NAPRT: variants seen among roughly 807,000 people sequenced by gnomAD.
NAPRT encodes FHA-HIT-interacting protein.
A neutral mutation model predicts 60.7 loss-of-function variants in NAPRT; 66 were observed. The ratio of observed to expected loss-of-function variants is 1.09; its 90% CI spans 0.89 to 1.33. NAPRT has a LOEUF of 1.33. Among genes scored for constraint, NAPRT ranks in the 40% most tolerant of loss-of-function variants. NAPRT has a pLI of 0.00. For synonymous variants in NAPRT, 405 were observed against 335.7 expected (o/e 1.21, Z -2.26); for missense variants, 818 against 731.5 (o/e 1.12, Z -1.36).
intron 1 of NAPRT, 35 bp downstream of exon 1, chr8:143,578,058 G>A (rs1824632501): frequency 6.7e-7 from 1 of 1,497,194 alleles, no homozygotes; most frequent in Non-Finnish European, 8.9e-7. Flanking sequence ...GTTTCTGCCG[G>A]GCGTGGGGGG....
At chr8:143,575,376 C>A (rs769294649) in intron 10 of NAPRT, 31 bp from the exon 11 acceptor site, 3 of 1,598,674 alleles carry the variant, frequency 1.9e-6, no homozygotes, top group Non-Finnish European at 2.6e-6. Context: ...TAAGCGGGGG[C>A]CCTGGTGCTT....
In NAPRT at chr8:143,574,975, C is replaced by T. The variant is rs1438077344; in HGVS notation, c.1554+11G>A. On this transcript the variant is annotated intron_variant, in intron 12 of 12. Coordinates refer to ENST00000449291, the MANE Select transcript of NAPRT (RefSeq NM_145201.6). ...CACAGGGCAGAATGACAGGGTGGGC[C>T]TCCCCCCAACCTGGTACTGTGCAGG... 2 of 1,544,836 alleles carry T rather than the reference C, an allele frequency of 1.3e-6. No homozygotes were observed. Among genetic ancestry groups the T allele is most frequent in the East Asian group, 2.4e-5 (1 of 40,866 alleles).
At chr8:143,576,186 T>TG in intron 7 of NAPRT, 24 bp from the exon 8 acceptor site, 1 of 1,571,158 alleles carries the variant, frequency 6.4e-7, no homozygotes, top group Non-Finnish European at 8.7e-7. Flanking sequence ...GGAGAAAGGG[T>TG]GGGGGCCACC....
At chr8:143,575,890 G>A (rs927267278) in intron 8 of NAPRT, among the ~76,000 whole-genome samples, 188 bp from the exon 9 acceptor site, 5 of 138,704 alleles carry the variant, frequency 3.6e-5, no homozygotes, top group African/African-American at 1.4e-4. Context: ...TGAAGGGGGT[G>A]GCAGTGCCCT....
In NAPRT at chr8:143,578,325, C is replaced by T. The variant is rs1824676371; in HGVS notation, c.-7G>A. On this transcript the variant is annotated 5_prime_UTR_variant, in exon 1 of 13. Transcript: ENST00000449291. ...GGTCCTGCTCCGCCGCCATCCTGCT[C>T]CCGACGTCCGGACTCCGCCCCGCCC... 1 of 1,352,078 alleles carries T rather than the reference C, an allele frequency of 7.4e-7. No homozygotes were observed. The highest frequency in any genetic ancestry group is 9.4e-7 in the Non-Finnish European group (1 of 1,061,182). The allele number at this position is 1,352,078 out of a possible 1,614,324, so 83.8% of individuals were successfully genotyped here.
downstream of NAPRT, chr8:143,574,757 C>A: frequency 6.5e-7 from 1 of 1,528,208 alleles, no homozygotes; most frequent in South Asian, 1.2e-5. Flanking sequence ...GCTGGGTGAA[C>A]AAACGACACA....
At chr8:143,576,997 G>T (rs1235878815) in intron 5 of NAPRT, 65 bp downstream of exon 5, 3 of 1,561,940 alleles carry the variant, frequency 1.9e-6, no homozygotes, top group Middle Eastern at 1.7e-4. Flanking sequence ...CACACCTCTC[G>T]CCAGGGCAAG....
chr8:143,574,869 A>T lies in NAPRT; in HGVS notation c.1586T>A (p.Val529Glu), dbSNP rs1409594059. ...VVLSERLQAL[V>E]NSLCAGQSP ...GGACTGCCCCGCACACAGACTGTTC[A>T]CCAGGGCCTGCAGCCTCTCGGACAG... The change falls in exon 13 of 13, where the codon GTG (valine) becomes GAG (glutamate). Residue 529 changes from valine to glutamate, a missense_variant. Coordinates refer to ENST00000449291, the MANE Select transcript of NAPRT (RefSeq NM_145201.6). The T allele has an allele frequency of 1.3e-6, 2 of 1,550,626 alleles. No individual in the cohort carries two copies. Among genetic ancestry groups the T allele is most frequent in the South Asian group, 2.4e-5 (2 of 84,068 alleles).
In NAPRT at chr8:143,578,133, G is replaced by A. The variant is rs1587063088; in HGVS notation, c.186C>T (p.Asp62=). ...GAFALAAGLR[D]CVRFLRAFRL... Reference sequence around the variant, plus strand: ...GGAAGGCGCGCAGGAAGCGCACACAGTCGCGCAAGCCGGCGGCCAAGGCGA... The same window carrying A: ...GGAAGGCGCGCAGGAAGCGCACACAATCGCGCAAGCCGGCGGCCAAGGCGA... The change falls in exon 1 of 13, where the codon GAC becomes GAT. Residue 62 remains aspartate, a synonymous_variant. Coordinates refer to ENST00000449291, the MANE Select transcript of NAPRT (RefSeq NM_145201.6). 2.6e-6 allele frequency: 4 copies of A among 1,526,836 alleles called. No homozygotes were observed. Among genetic ancestry groups the A allele is most frequent in the Non-Finnish European group, 3.5e-6 (4 of 1,143,738 alleles). 94.6% of individuals were successfully genotyped at this position (1,526,836 alleles called of 1,614,324 possible). A position where few individuals can be genotyped will look rare whatever the true frequency, so the allele number is the denominator to read the frequency against.
At position 143,577,924 on chromosome 8, in the gene NAPRT, C is replaced by A; in HGVS notation, c.246G>T (p.Ser82=). 6.2e-7 allele frequency: 1 copy of A among 1,611,010 alleles called. No homozygotes were observed. Among genetic ancestry groups the A allele is most frequent in the East Asian group, 2.2e-5 (1 of 44,804 alleles). ...LRDADVQFLA[S]VLPPDTDPAF... ...CAGGATCCGTGTCTGGGGGCAGCAC[C>A]GAGGCCAGGAACTGCACGTCTGGAA... The change falls in exon 2 of 13, where the codon TCG becomes TCT. Residue 82 remains serine, a synonymous_variant. Coordinates refer to ENST00000449291, the MANE Select transcript of NAPRT (RefSeq NM_145201.6).
In NAPRT at chr8:143,577,325, C is replaced by A; in HGVS notation, c.512G>T (p.Arg171Met). 6.2e-7 allele frequency: 1 copy of A among 1,605,956 alleles called. No homozygotes were observed. The highest frequency in any genetic ancestry group is 8.5e-7 in the Non-Finnish European group (1 of 1,177,346). ...GCCCCCATCGGGGCCCTGAGCCCGCCTCAGGCCCATCTCTAGCAGCCGCTT... is the reference window on the plus strand; with the variant it reads ...GCCCCCATCGGGGCCCTGAGCCCGCATCAGGCCCATCTCTAGCAGCCGCTT... ...PEKRLLEMGL[R>M]RAQGPDGGLT... The change falls in exon 4 of 13, where the codon AGG (arginine) becomes ATG (methionine). Residue 171 changes from arginine to methionine, a missense_variant. Transcript: ENST00000449291.
chr8:143,577,004 C>T (rs1389456882), intron 5 of NAPRT, 58 bp downstream of exon 5: 4 of 1,574,596 alleles, frequency 2.5e-6, no homozygotes, highest in Admixed American at 1.7e-5. Context: ...CTCGCCAGGG[C>T]AAGGGCTGGC....
In NAPRT at chr8:143,575,197, C is replaced by A. The variant is rs1196394550; in HGVS notation, c.1440G>T (p.Gln480His). 32 of 1,608,792 alleles carry A rather than the reference C, an allele frequency of 2.0e-5. No individual in the cohort carries two copies. Among genetic ancestry groups the A allele is most frequent in the Non-Finnish European group, 2.5e-5 (30 of 1,178,084 alleles). ...AGGGCGGTGGGGCAGCCACCTGTCC[C>A]TGCTGGAGGCAGAGCCGCAGTAGTG... ...VEPLLRLCLQQGQLCEPLPSL... is the reference protein window; with the variant it reads ...VEPLLRLCLQHGQLCEPLPSL... Residue 480 changes from glutamine (Q) to histidine (H), a missense_variant, in exon 11 of 13, where the codon CAG (glutamine) becomes CAT (histidine). Physicochemically the swap from Gln to His is conservative, Grantham distance 24. Transcript: ENST00000449291.
In NAPRT at chr8:143,578,145, G is replaced by A. The variant is rs540917262; in HGVS notation, c.174C>T (p.Ala58=). 4.9e-5 allele frequency: 75 copies of A among 1,521,596 alleles called. No homozygotes were observed. The South Asian group carries it at 8.7e-4, about 18-fold the overall frequency. The allele number at this position is 1,521,596 out of a possible 1,614,324, so 94.3% of individuals were successfully genotyped here. Reference sequence around the variant, plus strand: ...GGAAGCGCACACAGTCGCGCAAGCCGGCGGCCAAGGCGAAGGCGCCGCCGA... The same window carrying A: ...GGAAGCGCACACAGTCGCGCAAGCCAGCGGCCAAGGCGAAGGCGCCGCCGA... The part of the protein sequence containing the change: ...CPFGGAFALA[A]GLRDCVRFLR... Residue 58 remains alanine, a synonymous_variant, in exon 1 of 13, where the codon GCC becomes GCT. Transcript: ENST00000449291.
Position 143,576,165 on chromosome 8 carries a change from G to T in NAPRT, c.1023-3C>A, listed in dbSNP as rs1284781528. The T allele has an allele frequency of 3.8e-6, 6 of 1,592,904 alleles. No individual in the cohort carries two copies. The South Asian group carries it at 6.7e-5, about 18-fold the overall frequency. Reference sequence around the variant, plus strand: ...ACTCCAGCCAGGGCACCTGGAACCTGCCGCGTGGGTGGAGAAAGGGTGGGG... The same window carrying T: ...ACTCCAGCCAGGGCACCTGGAACCTTCCGCGTGGGTGGAGAAAGGGTGGGG... On this transcript the variant is annotated splice_region_variant and splice_polypyrimidine_tract_variant and intron_variant, in intron 7 of 12. Transcript: ENST00000449291.
chr8:143,577,056 A>G lies in NAPRT; in HGVS notation c.684+6T>C. On this transcript the variant is annotated splice_donor_region_variant and intron_variant, in intron 5 of 12. Coordinates refer to ENST00000449291, the MANE Select transcript of NAPRT (RefSeq NM_145201.6). ...GGAGACAGCAGGGTTTAGAGGAGGG[A>G]CTGACCGGGTCAGGGGGCACCTCGC... 3 of 1,611,866 alleles carry G rather than the reference A, an allele frequency of 1.9e-6. No individual in the cohort carries two copies. The highest frequency in any genetic ancestry group is 1.1e-5 in the South Asian group (1 of 91,010).
chr8:143,575,702 C>T lies in NAPRT; in HGVS notation c.1108G>A (p.Gly370Ser), dbSNP rs749705008. 8 of 1,575,452 alleles carry T rather than the reference C, an allele frequency of 5.1e-6. No homozygotes were observed. Among genetic ancestry groups the T allele is most frequent in the African/African-American group, 1.3e-5 (1 of 74,218 alleles). The change falls in exon 9 of 13, where the codon GGC (glycine) becomes AGC (serine). Residue 370 changes from glycine (G) to serine (S), a missense_variant and splice_region_variant. Physicochemically the swap from Gly to Ser is moderately conservative, Grantham distance 56 (BLOSUM62 0). Transcript: ENST00000449291. ...EEALARLAQE[G>S]SEVNVIGIGT... Reference sequence around the variant, plus strand: ...ATGCCAATGACATTCACCTCACTGCCCTGGGTGGGGAAGGGGGTGGCCGTG... The same window carrying T: ...ATGCCAATGACATTCACCTCACTGCTCTGGGTGGGGAAGGGGGTGGCCGTG...
chr8:143,576,392 G>A, intron 7 of NAPRT, 40 bp downstream of exon 7: 2 of 1,574,802 alleles, frequency 1.3e-6, no homozygotes, highest in South Asian at 2.3e-5. Flanking sequence ...CAAACCCCGG[G>A]GATCTCCCAC....
At chr8:143,577,573 C>A in intron 3 of NAPRT, 84 bp downstream of exon 3, 1 of 1,499,728 alleles carries the variant, frequency 6.7e-7, no homozygotes, top group Non-Finnish European at 8.9e-7. Flanking sequence ...GGGCAGCCAG[C>A]CCCGCCGCCA....
Sources: gnomAD v4.1 joint callset for allele counts (sites outside exome capture counted in the v4.1 genomes callset) on GRCh38, gnomAD v4.1.1 for gene constraint, MANE v1.5 for transcripts, NCBI Gene and HGNC (gene_info 2026-07-23, HGNC 2026-07-21) for gene names.